The following NAV2 variants were observed in gnomAD, a reference collection of about 807,000 sequenced individuals.
NAV2 encodes the protein neuron navigator 2, also known as helicase, APC down-regulated 1.
NAV2 carries 54 observed loss-of-function variants against 223.2 expected under a neutral mutation model. That is an observed-to-expected ratio of 0.24 (90% CI 0.19 to 0.30). The LOEUF (loss-of-function observed/expected upper bound fraction) is 0.30, where lower values mean the gene tolerates loss of function less well. Among genes scored for constraint, NAV2 ranks in the 10% least tolerant of loss-of-function variants. The probability of loss-of-function intolerance (pLI) is 1.00; values close to 1 mark genes in which losing one functional copy is unlikely to be tolerated. For missense variants in NAV2, 2,806 were observed against 3,147.5 expected (o/e 0.89, Z 2.60); for synonymous variants, 1,279 against 1,239.3 (o/e 1.03, Z -0.67).
chr11:19,383,214 G>A (rs1033036075), intron 1 of NAV2, among the ~76,000 whole-genome samples: 3 of 152,060 alleles, frequency 2.0e-5, no homozygotes, highest in Non-Finnish European at 4.4e-5. Flanking sequence ...GTTAACTGTG[G>A]CCATGTCAAT....
At chr11:19,836,174 A>G (rs1364716163) in intron 2 of NAV2, among the ~76,000 whole-genome samples, 1 of 152,218 alleles carries the variant, frequency 6.6e-6, no homozygotes, top group Admixed American at 6.5e-5. Flanking sequence ...GTACTCCACT[A>G]AACATTCCTC....
intron 11 of NAV2, among the ~76,000 whole-genome samples, chr11:20,033,080 A>G (rs2055943402): frequency 6.6e-6 from 1 of 152,224 alleles, no homozygotes; most frequent in Non-Finnish European, 1.5e-5. Context: ...CACAGACTAG[A>G]AGGAGCACAT....
rs746063549 is a variant in NAV2, at chr11:20,114,582, C to T, written c.6961-10C>T. On this transcript the variant is annotated splice_polypyrimidine_tract_variant and intron_variant, in intron 36 of 37. Coordinates refer to ENST00000349880, the MANE Select transcript of NAV2 (RefSeq NM_145117.5). ...CACTTCCAGACTGTTCCTTCTTTGC[C>T]TGTTTTCAGCTCTATGGAAGGCGCG... 19 of 1,613,580 alleles carry T rather than the reference C, an allele frequency of 1.2e-5. 1 individual carries two copies. In the South Asian group the frequency reaches 2.1e-4, roughly 18 times the overall value.
At chr11:19,932,516 A>G (rs1378555350) in intron 6 of NAV2, among the ~76,000 whole-genome samples, 1 of 152,116 alleles carries the variant, frequency 6.6e-6, no homozygotes, top group Non-Finnish European at 1.5e-5. Context: ...ACTGGGTTTC[A>G]CCATGTTGGC....
intron 11 of NAV2, among the ~76,000 whole-genome samples, chr11:20,009,146 A>C (rs1361566485): frequency 6.6e-6 from 1 of 152,180 alleles, no homozygotes; most frequent in African/African-American, 2.4e-5. Context: ...AAAACAAAAA[A>C]GCATAGGTTG....
chr11:19,748,206 C>T (rs1269430921), intron 1 of NAV2, among the ~76,000 whole-genome samples: 2 of 152,214 alleles, frequency 1.3e-5, no homozygotes, highest in East Asian at 3.8e-4. Context: ...TTATAGATGC[C>T]TGCATGTGCC....
At chr11:19,387,821 AT>A (rs1849100694) in intron 1 of NAV2, among the ~76,000 whole-genome samples, 1 of 152,080 alleles carries the variant, frequency 6.6e-6, no homozygotes, top group African/African-American at 2.4e-5. Flanking sequence ...TAAAAGTAGC[AT>A]TTACAGAAAA....
rs75694098 is a variant in NAV2, at chr11:19,996,891, T to C, written c.2768+12644T>C. 2.3e-3 allele frequency among the ~76,000 whole-genome samples: 345 copies of C among 152,236 alleles called. 10 individuals carry two copies. The East Asian group carries it at 0.041, about 18-fold the overall frequency. ...GCAGGATTGTGTGGAGGAGATTAAA[T>C]GGGGACAGAGGGAAATGAGGTGGCT... is the stretch of plus-strand genomic sequence containing the variant. On this transcript the variant is annotated intron_variant, in intron 11 of 37. Transcript: ENST00000349880.
At chr11:19,636,722 G>A (rs934616911) in intron 1 of NAV2, among the ~76,000 whole-genome samples, 23 of 152,060 alleles carry the variant, frequency 1.5e-4, no homozygotes, top group African/African-American at 3.9e-4. Context: ...CACCCGCCTC[G>A]GCCTCCCACA....
chr11:19,595,721 T>C (rs1009199924), intron 1 of NAV2, among the ~76,000 whole-genome samples: 1 of 32,626 alleles, frequency 3.1e-5, no homozygotes, highest in Non-Finnish European at 4.6e-4. Context: ...TGAAGGCTAA[T>C]TAAAAAAAAA....
intron 1 of NAV2, among the ~76,000 whole-genome samples, chr11:19,759,012 A>G (rs889543973): frequency 2.0e-5 from 3 of 151,822 alleles, no homozygotes; most frequent in African/African-American, 7.3e-5. Context: ...CCCACCACCA[A>G]CTTCTGTCTT....
At chr11:20,029,965 C>T (rs2153554678) in intron 11 of NAV2, among the ~76,000 whole-genome samples, 1 of 152,198 alleles carries the variant, frequency 6.6e-6, no homozygotes, top group Non-Finnish European at 1.5e-5. Context: ...ATCTTCTAGC[C>T]ATTTCTCTAG....
intron 6 of NAV2, among the ~76,000 whole-genome samples, chr11:19,908,309 G>A (rs2043038815): frequency 6.6e-6 from 1 of 152,158 alleles, no homozygotes; most frequent in Non-Finnish European, 1.5e-5. Context: ...GGCACTGGAA[G>A]TAACACTGTG....
intron 1 of NAV2, among the ~76,000 whole-genome samples, chr11:19,669,159 C>T (rs1464348932): frequency 6.6e-6 from 1 of 152,162 alleles, no homozygotes; most frequent in Non-Finnish European, 1.5e-5. Context: ...TACACTGGGC[C>T]TTTCTGTATG....
intron 7 of NAV2, among the ~76,000 whole-genome samples, chr11:19,938,811 T>A (rs1046027673): frequency 4.6e-5 from 7 of 152,196 alleles, no homozygotes; most frequent in African/African-American, 1.7e-4. Context: ...GAAGAACAGT[T>A]GGATGACTTG....
intron 1 of NAV2, among the ~76,000 whole-genome samples, chr11:19,653,730 G>T (rs1363543673): frequency 6.6e-6 from 1 of 152,194 alleles, no homozygotes; most frequent in Non-Finnish European, 1.5e-5. Context: ...TTGTAAGGAT[G>T]TGAGATAGTG....
At chr11:19,384,952 T>A (rs1848979526) in intron 1 of NAV2, 1 of 152,076 alleles carries the variant, frequency 6.6e-6, no homozygotes, top group Non-Finnish European at 1.5e-5. Context: ...CTGACAAAGG[T>A]TTCACATCCA....
At chr11:20,105,267 C>T in intron 34 of NAV2, 1 of 357,106 alleles carries the variant, frequency 2.8e-6, no homozygotes, top group Non-Finnish European at 5.0e-6. Context: ...CTGTTTGATC[C>T]TGGAAAAGTT....
intron 1 of NAV2, among the ~76,000 whole-genome samples, chr11:19,649,227 C>G (rs568172494): frequency 6.6e-6 from 1 of 152,304 alleles, no homozygotes; most frequent in African/African-American, 2.4e-5. Flanking sequence ...GGATATAGAA[C>G]AGTGCAATAT....
Sources: gnomAD v4.1 joint callset for allele counts (sites outside exome capture counted in the v4.1 genomes callset) on GRCh38, gnomAD v4.1.1 for gene constraint, MANE v1.5 for transcripts, NCBI Gene and HGNC (gene_info 2026-07-23, HGNC 2026-07-21) for gene names.